The following B3GNT2 variants were observed in gnomAD, a reference collection of about 807,000 sequenced individuals.
The protein encoded by B3GNT2 is N-acetyllactosaminide beta-1,3-N-acetylglucosaminyltransferase 2.
A neutral mutation model predicts 27.6 loss-of-function variants in B3GNT2; 12 were observed. The observed-to-expected ratio is 0.44, with a 90% CI of 0.28 to 0.71. The LOEUF (loss-of-function observed/expected upper bound fraction) is 0.71, where lower values mean the gene tolerates loss of function less well. B3GNT2 is among the 30% of genes least tolerant of loss of function. B3GNT2 has a pLI of 0.17. For synonymous variants in B3GNT2, 192 were observed against 189.7 expected (o/e 1.01, Z -0.10); for missense variants, 413 against 488.5 (o/e 0.85, Z 1.46).
At chr2:62,205,853 A>C (rs1358196880) in intron 1 of B3GNT2, 2 of 154,166 alleles carry the variant, frequency 1.3e-5, no homozygotes, top group Admixed American at 6.5e-5. Flanking sequence ...GCTCACCTGG[A>C]ACCATTTCTC....
At chr2:62,205,604 G>A (rs901287081) in intron 1 of B3GNT2, among the ~76,000 whole-genome samples, 3 of 152,202 alleles carry the variant, frequency 2.0e-5, no homozygotes, top group Non-Finnish European at 2.9e-5. Context: ...CTTCTTTGCC[G>A]CCTTGCTCTG....
At chr2:62,215,704 ATATGG>A (rs1674561693) in intron 1 of B3GNT2, 2 of 152,206 alleles carry the variant, frequency 1.3e-5, no homozygotes, top group Non-Finnish European at 2.9e-5. Context: ...TGGCCTCGTG[ATATGG>A]CAGGGGGCTT....
rs774443407 is a variant in B3GNT2, at chr2:62,222,490, A to C, written c.270A>C (p.Ile90=). 2 of 1,613,874 alleles carry C rather than the reference A, an allele frequency of 1.2e-6. No individual in the cohort carries two copies. Among genetic ancestry groups the C allele is most frequent in the East Asian group, 4.5e-5 (2 of 44,888 alleles). ...QTGEAGRLSN[I]SHLNYCEPDL... ...GGGAGGCGGGCAGGCTCTCCAATAT[A>C]AGCCATCTGAACTACTGCGAACCTG... Residue 90 remains isoleucine, a synonymous_variant, in exon 2 of 2, where the codon ATA becomes ATC. Coordinates refer to ENST00000301998, the MANE Select transcript of B3GNT2 (RefSeq NM_006577.6). The surrounding 1 kb of genome is among the most constrained non-coding windows in gnomAD (Gnocchi z 4.2).
chr2:62,207,848 G>A (rs1166333968), intron 1 of B3GNT2, among the ~76,000 whole-genome samples: 1 of 152,158 alleles, frequency 6.6e-6, no homozygotes, highest in Non-Finnish European at 1.5e-5. Flanking sequence ...CCTGGGGTTT[G>A]GGGACCCCTG....
chr2:62,204,801 G>A (rs1437266826), intron 1 of B3GNT2, among the ~76,000 whole-genome samples: 2 of 152,024 alleles, frequency 1.3e-5, no homozygotes, highest in African/African-American at 2.4e-5. Flanking sequence ...CTGATGGATC[G>A]TCTTTTTTTA....
chr2:62,223,466 A>G lies in B3GNT2; in HGVS notation c.*52A>G. 7.0e-7 allele frequency: 1 copy of G among 1,430,566 alleles called. No individual in the cohort carries two copies. Among genetic ancestry groups the G allele is most frequent in the South Asian group, 1.3e-5 (1 of 74,278 alleles). 88.6% of individuals were successfully genotyped at this position (1,430,566 alleles called of 1,614,324 possible). A position where few individuals can be genotyped will look rare whatever the true frequency, so the allele number is the denominator to read the frequency against. On this transcript the variant is annotated 3_prime_UTR_variant, in exon 2 of 2. Transcript: ENST00000301998. ...GAAAGGTGTATTTTGAATAGTTCCC[A>G]TGTTGTGTTCTCACATTAGAGTAAT...
In B3GNT2 at chr2:62,223,590, G is replaced by GATGGTA; in HGVS notation, c.*179_*184dup. 1 of 583,176 alleles carries GATGGTA rather than the reference G, an allele frequency of 1.7e-6. No individual in the cohort carries two copies. The highest frequency in any genetic ancestry group is 4.6e-4 in the Middle Eastern group (1 of 2,158). 36.1% of individuals were successfully genotyped at this position (583,176 alleles called of 1,614,324 possible). On this transcript the variant is annotated 3_prime_UTR_variant, in exon 2 of 2. Coordinates refer to ENST00000301998, the MANE Select transcript of B3GNT2 (RefSeq NM_006577.6). ...ACTCACGTGAAGAGGGAAAGCGGAA[G>GATGGTA]ATGGTAATTTTTTTTTATGGATGAT...
intron 1 of B3GNT2, among the ~76,000 whole-genome samples, chr2:62,209,994 T>C (rs1316778615): frequency 1.3e-5 from 2 of 152,234 alleles, no homozygotes; most frequent in East Asian, 3.8e-4. Context: ...GACCCCTGGA[T>C]ACGTTAAACC....
chr2:62,215,096 G>A (rs978681071), intron 1 of B3GNT2, among the ~76,000 whole-genome samples: 1 of 152,094 alleles, frequency 6.6e-6, no homozygotes, highest in African/African-American at 2.4e-5. Context: ...GGCTTTCGGG[G>A]GGTTGTAATC....
At chr2:62,203,348 A>AT (rs748049792) in intron 1 of B3GNT2, among the ~76,000 whole-genome samples, 2 of 152,238 alleles carry the variant, frequency 1.3e-5, no homozygotes, top group South Asian at 2.1e-4. Flanking sequence ...ATATTGGGGC[A>AT]TTTTTTAGCA....
chr2:62,204,839 A>G (rs1674340918), intron 1 of B3GNT2, among the ~76,000 whole-genome samples: 1 of 152,188 alleles, frequency 6.6e-6, no homozygotes, highest in Non-Finnish European at 1.5e-5. Context: ...TTTTCAAACA[A>G]GTGCAGATAC....
At chr2:62,199,219 G>T (rs371895209) in intron 1 of B3GNT2, among the ~76,000 whole-genome samples, 1 of 152,194 alleles carries the variant, frequency 6.6e-6, no homozygotes, top group East Asian at 1.9e-4. Flanking sequence ...GATTACAGAC[G>T]TAAGCCACCG....
At chr2:62,199,507 CT>C (rs1053901404) in intron 1 of B3GNT2, among the ~76,000 whole-genome samples, 1 of 152,184 alleles carries the variant, frequency 6.6e-6, no homozygotes. Context: ...TAGGATAATA[CT>C]TGGTGATGTG....
At chr2:62,205,078 G>A (rs1674345825) in intron 1 of B3GNT2, among the ~76,000 whole-genome samples, 1 of 152,232 alleles carries the variant, frequency 6.6e-6, no homozygotes, top group South Asian at 2.1e-4. Context: ...AGACCGGCGA[G>A]ATTGGAAGCC....
Position 62,223,322 on chromosome 2 carries a change from T to A in B3GNT2, c.1102T>A (p.Ser368Thr). Residue 368 changes from serine to threonine, a missense_variant, in exon 2 of 2, where the codon TCC becomes ACC. Ser to Thr is a moderately conservative substitution (Grantham distance 58). Coordinates refer to ENST00000301998, the MANE Select transcript of B3GNT2 (RefSeq NM_006577.6). ...IEEKNKNNIC[S>T]YVDLMLVHSR... ...GGAGAAAAACAAAAATAACATCTGC[T>A]CCTATGTAGATCTGATGTTAGTACA... 1 of 1,614,206 alleles carries A rather than the reference T, an allele frequency of 6.2e-7. No homozygotes were observed. Among genetic ancestry groups the A allele is most frequent in the Non-Finnish European group, 8.5e-7 (1 of 1,180,034 alleles).
At chr2:62,202,508 G>C (rs2104185259) in intron 1 of B3GNT2, among the ~76,000 whole-genome samples, 1 of 152,280 alleles carries the variant, frequency 6.6e-6, no homozygotes, top group Middle Eastern at 3.4e-3. Context: ...AGATGTGGCA[G>C]TTAATAGTTA....
At position 62,205,461 on chromosome 2, in the gene B3GNT2, G is replaced by C. The variant is rs79460209; in HGVS notation, c.-10+9106G>C. On this transcript the variant is annotated intron_variant, in intron 1 of 1. Transcript: ENST00000301998. Reference sequence around the variant, plus strand: ...TTTTAAAATGTATATGGTTTATTTTGATACTTAAAAAGCAACAACTTGAAA... The same window carrying C: ...TTTTAAAATGTATATGGTTTATTTTCATACTTAAAAAGCAACAACTTGAAA... Among the ~76,000 whole-genome samples the C allele has an allele frequency of 5.2e-3, 792 of 152,232 alleles. 2 individuals are homozygous for C. Among genetic ancestry groups the C allele is most frequent in the African/African-American group, 0.018 (737 of 41,524 alleles).
chr2:62,220,053 A>G (rs777301392), intron 1 of B3GNT2, among the ~76,000 whole-genome samples: 3 of 152,278 alleles, frequency 2.0e-5, no homozygotes, highest in African/African-American at 7.2e-5. Context: ...CTTCTGAGCA[A>G]TACGGGATTA....
At chr2:62,201,250 G>A (rs1674258404) in intron 1 of B3GNT2, among the ~76,000 whole-genome samples, 1 of 152,190 alleles carries the variant, frequency 6.6e-6, no homozygotes, top group South Asian at 2.1e-4. Context: ...TTTGTTAGTT[G>A]CCTGTTTTTG....
Sources: allele counts gnomAD v4.1 joint callset (sites outside exome capture counted in the v4.1 genomes callset), GRCh38; gene constraint gnomAD v4.1.1; non-coding constraint Gnocchi (gnomAD v3.1); transcripts MANE v1.5; gene names NCBI Gene and HGNC (gene_info 2026-07-23, HGNC 2026-07-21).